Variants in AK5 observed in about 807,000 individuals in gnomAD.
AK5 encodes adenylate kinase isoenzyme 5.
Under a neutral mutation model 69.5 loss-of-function variants are expected in AK5, and 27 were observed. That is an observed-to-expected ratio of 0.39 (90% CI 0.29 to 0.54). The LOEUF is 0.54. Among genes scored for constraint, AK5 ranks in the 20% least tolerant of loss-of-function variants. The probability of loss-of-function intolerance (pLI) is 0.71; values close to 1 mark genes in which losing one functional copy is unlikely to be tolerated. For missense variants in AK5, 531 were observed against 700.4 expected, an observed-to-expected ratio of 0.76 and a Z score of 2.73; for synonymous variants, 260 against 244.4, an observed-to-expected ratio of 1.06 and a Z score of -0.60.
At chr1:77,369,365 T>G (rs1356313728) in intron 6 of AK5, among the ~76,000 whole-genome samples, 1 of 152,184 alleles carries the variant, frequency 6.6e-6, no homozygotes, top group African/African-American at 2.4e-5. Flanking sequence ...TAGAGAAATA[T>G]CAAACATTTT....
intron 11 of AK5, 51 bp from the exon 12 acceptor site, chr1:77,521,776 C>G (rs1167145688): frequency 1.4e-6 from 2 of 1,392,612 alleles, no homozygotes; most frequent in South Asian, 1.2e-5. Flanking sequence ...TGGGGTACTT[C>G]TAGTGTTCTG....
At chr1:77,379,140 G>A (rs1647447095) in intron 6 of AK5, among the ~76,000 whole-genome samples, 1 of 152,162 alleles carries the variant, frequency 6.6e-6, no homozygotes, top group Non-Finnish European at 1.5e-5. Flanking sequence ...AGGAACCAGC[G>A]GTTGAACAGG....
intron 5 of AK5, among the ~76,000 whole-genome samples, chr1:77,318,205 T>C (rs1182889322): frequency 6.6e-6 from 1 of 152,086 alleles, no homozygotes; most frequent in Non-Finnish European, 1.5e-5. Flanking sequence ...GTGTCAATCA[T>C]GGCGGAATCT....
chr1:77,311,525 A>G lies in AK5; in HGVS notation c.699+13578A>G, dbSNP rs139457714. On this transcript the variant is annotated intron_variant, in intron 5 of 13. Transcript: ENST00000354567. Reference sequence around the variant, plus strand: ...GATTATTGTGAAGATTAAATGATATAAAATATCTATAGTTCTAGTACAGTT... The same window carrying G: ...GATTATTGTGAAGATTAAATGATATGAAATATCTATAGTTCTAGTACAGTT... 6.2e-3 allele frequency among the ~76,000 whole-genome samples: 945 copies of G among 152,276 alleles called. 23 individuals carry two copies. The highest frequency in any genetic ancestry group is 0.022 in the African/African-American group (899 of 41,512).
At position 77,367,580 on chromosome 1, in the gene AK5, A is replaced by ATGT. The variant is rs1557532775; in HGVS notation, c.891+27013_891+27014insGTT. Among the ~76,000 whole-genome samples, 9 of 2,312 alleles carry ATGT rather than the reference A, an allele frequency of 3.9e-3. 1 individual carries two copies. Among genetic ancestry groups the ATGT allele is most frequent in the East Asian group, 0.021 (1 of 48 alleles). 1.5% of individuals were successfully genotyped at this position (2,312 alleles called of 152,430 possible). A position where few individuals can be genotyped will look rare whatever the true frequency, so the allele number is the denominator to read the frequency against. On this transcript the variant is annotated intron_variant, in intron 6 of 13. Coordinates refer to ENST00000354567, the MANE Select transcript of AK5 (RefSeq NM_174858.3). ...TTTTATATATATATATATATATATA[A>ATGT]TATATATGTTATATATGTAATATAT...
chr1:77,424,260 C>T lies in AK5; in HGVS notation c.1059+6545C>T, dbSNP rs141953324. The stretch of plus-strand genomic sequence containing the variant: ...GGAATGTGGGTCATCAGACCAGGAA[C>T]ATTTTATTTTATTTTTTAGAGACAG... On this transcript the variant is annotated intron_variant, in intron 8 of 13. Transcript: ENST00000354567. 4.6e-3 allele frequency among the ~76,000 whole-genome samples: 698 copies of T among 152,198 alleles called. 5 individuals are homozygous for T. Among genetic ancestry groups the T allele is most frequent in the African/African-American group, 0.016 (666 of 41,540 alleles).
intron 6 of AK5, among the ~76,000 whole-genome samples, chr1:77,398,011 T>C (rs1348217506): frequency 6.6e-6 from 1 of 152,252 alleles, no homozygotes; most frequent in African/African-American, 2.4e-5. Flanking sequence ...TGCATTCCCC[T>C]TAGTTTTCCA....
intron 6 of AK5, among the ~76,000 whole-genome samples, chr1:77,347,549 A>T (rs916469047): frequency 2.6e-5 from 4 of 152,182 alleles, no homozygotes; most frequent in Non-Finnish European, 5.9e-5. Flanking sequence ...TCCAGAACTA[A>T]ATTGAAAAGT....
Position 77,293,780 on chromosome 1 carries a change from T to TA in AK5, c.248-12dup, listed in dbSNP as rs753827191. On this transcript the variant is annotated splice_polypyrimidine_tract_variant and intron_variant, in intron 2 of 13. Coordinates refer to ENST00000354567, the MANE Select transcript of AK5 (RefSeq NM_174858.3). ...TGTTTTTTCCTTTTCAAAGTTATCT[T>TA]ACTCTTTTGCAGTAATGCCTGAAAA... 1 of 1,583,284 alleles carries TA rather than the reference T, an allele frequency of 6.3e-7. No individual in the cohort carries two copies. The highest frequency in any genetic ancestry group is 8.6e-7 in the Non-Finnish European group (1 of 1,166,898).
intron 10 of AK5, among the ~76,000 whole-genome samples, chr1:77,514,184 A>G (rs775383918): frequency 1.1e-4 from 17 of 152,138 alleles, no homozygotes; most frequent in Non-Finnish European, 2.2e-4. Context: ...ATAGAATCTC[A>G]TATTCCACAA....
At chr1:77,531,989 T>TGGCCGGCCGG (rs1553161455) in intron 12 of AK5, 2 of 148,624 alleles carry the variant, frequency 1.3e-5, no homozygotes, top group South Asian at 4.3e-4. Context: ...CCTGCGGCCA[T>TGGCCGGCCGG]CCGGCCGGCC....
At chr1:77,528,807 T>C (rs961451218) in intron 12 of AK5, among the ~76,000 whole-genome samples, 2 of 152,252 alleles carry the variant, frequency 1.3e-5, no homozygotes, top group Non-Finnish European at 2.9e-5. Context: ...CCCCTGGTTA[T>C]AGTGACTCTG....
chr1:77,395,111 A>G (rs1648746114), intron 6 of AK5, among the ~76,000 whole-genome samples: 1 of 152,200 alleles, frequency 6.6e-6, no homozygotes, highest in Admixed American at 6.5e-5. Flanking sequence ...GCTGAGAGAC[A>G]TAATGGATTC....
intron 6 of AK5, among the ~76,000 whole-genome samples, chr1:77,376,525 GTCTTC>G (rs369163932): frequency 1.0e-3 from 157 of 150,038 alleles, no homozygotes; most frequent in East Asian, 7.2e-3. Flanking sequence ...ATTTCTATGG[GTCTTC>G]TCTTTGATTT....
At chr1:77,540,340 T>G (rs758031770) in intron 13 of AK5, among the ~76,000 whole-genome samples, 1 of 152,252 alleles carries the variant, frequency 6.6e-6, no homozygotes, top group Non-Finnish European at 1.5e-5. Context: ...AGGTTTGCCC[T>G]GCATCTGAGA....
chr1:77,552,168 A>C (rs529411936), intron 13 of AK5, among the ~76,000 whole-genome samples: 1 of 152,252 alleles, frequency 6.6e-6, no homozygotes, highest in African/African-American at 2.4e-5. Context: ...GAGTCCTGTT[A>C]GGTCGGTGTA....
At position 77,468,136 on chromosome 1, in the gene AK5, G is replaced by C. The variant is rs538027327; in HGVS notation, c.1060-15181G>C. 1.6e-4 allele frequency among the ~76,000 whole-genome samples: 25 copies of C among 152,362 alleles called. No homozygotes were observed. The South Asian group carries it at 4.8e-3, about 29-fold the overall frequency. ...GAGGCATGTTTATTTGAACTCTTGA[G>C]GGGGTGGGAGATGTGGTTGCAGTGT... On this transcript the variant is annotated intron_variant, in intron 8 of 13. Coordinates refer to ENST00000354567, the MANE Select transcript of AK5 (RefSeq NM_174858.3).
chr1:77,345,146 G>A (rs1661851334), intron 6 of AK5, among the ~76,000 whole-genome samples: 1 of 152,140 alleles, frequency 6.6e-6, no homozygotes, highest in East Asian at 1.9e-4. Flanking sequence ...AAATGCTACT[G>A]AATATTGGTA....
chr1:77,327,031 A>G (rs1305560490), intron 5 of AK5, among the ~76,000 whole-genome samples: 1 of 152,148 alleles, frequency 6.6e-6, no homozygotes, highest in Non-Finnish European at 1.5e-5. Flanking sequence ...CCTATAGTCA[A>G]TATCATGAAT....
Sources: allele counts gnomAD v4.1 joint callset (sites outside exome capture counted in the v4.1 genomes callset), GRCh38; gene constraint gnomAD v4.1.1; transcripts MANE v1.5; gene names NCBI Gene and HGNC (gene_info 2026-07-23, HGNC 2026-07-21).